Variants in CPS1 observed in about 807,000 individuals in gnomAD.
CPS1 encodes carbamoyl-phosphate synthase [ammonia], mitochondrial.
Under a neutral mutation model 174.6 loss-of-function variants are expected in CPS1, and 109 were observed. That is an observed-to-expected ratio of 0.62 (90% confidence interval 0.53 to 0.73). CPS1 has a LOEUF of 0.73. Among genes scored for constraint, CPS1 ranks in the 30% least tolerant of loss-of-function variants. The pLI, the probability that CPS1 is intolerant of heterozygous loss-of-function variation, is 0.00. For synonymous variants in CPS1, 637 were observed against 632.0 expected (o/e 1.01, Z -0.12); for missense variants, 1,689 against 1,821.9 (o/e 0.93, Z 1.33).
At chr2:210,663,048 A>G in intron 32 of CPS1, 75 bp from the exon 33 acceptor site, 1 of 1,361,216 alleles carries the variant, frequency 7.3e-7, no homozygotes. Flanking sequence ...ATTTGCTAAT[A>G]TATTTATCCT....
In CPS1 at chr2:210,655,281, T is replaced by A. The variant is rs534102449; in HGVS notation, c.3558+1179T>A. Among the ~76,000 whole-genome samples, 63 of 152,334 alleles carry A rather than the reference T, an allele frequency of 4.1e-4. 1 individual carries two copies. The highest frequency in any genetic ancestry group is 1.3e-3 in the Admixed American group (20 of 15,298). ...AATGTAAGACTGGCCTAGAGACATT[T>A]GTACTTTTTCAAATACTGTACTGGT... On this transcript the variant is annotated intron_variant, in intron 29 of 37. Coordinates refer to ENST00000233072, the MANE Select transcript of CPS1 (RefSeq NM_001875.5).
At position 210,590,247 on chromosome 2, in the gene CPS1, T is replaced by G; in HGVS notation, c.840+13T>G. 3.1e-6 allele frequency: 5 copies of G among 1,612,394 alleles called. No homozygotes were observed. Among genetic ancestry groups the G allele is most frequent in the Non-Finnish European group, 3.4e-6 (4 of 1,178,830 alleles). ...GAATGTCAGAAAGGTGCAATGAACC[T>G]TGAATTCATGTGTATCTGTGTGGGA... On this transcript the variant is annotated intron_variant, in intron 8 of 37. Transcript: ENST00000233072.
chr2:210,609,368 C>G (rs1292291152), intron 19 of CPS1, among the ~76,000 whole-genome samples: 1 of 151,888 alleles, frequency 6.6e-6, no homozygotes, highest in Non-Finnish European at 1.5e-5. Context: ...AACTTGGAAC[C>G]AGCTGGACTT....
intron 1 of CPS1, among the ~76,000 whole-genome samples, chr2:210,484,828 A>T (rs1382545600): frequency 1.3e-5 from 2 of 152,162 alleles, no homozygotes; most frequent in African/African-American, 4.8e-5. Context: ...TTGGCACCTG[A>T]TTGAAGCCTT....
At chr2:210,618,393 T>C (rs1483835665) in intron 21 of CPS1, 2 of 152,090 alleles carry the variant, frequency 1.3e-5, no homozygotes, top group East Asian at 3.9e-4. Flanking sequence ...TATAAATTTG[T>C]TTTTGATCCA....
At chr2:210,517,308 G>T (rs1412338564) in intron 1 of CPS1, among the ~76,000 whole-genome samples, 1 of 151,880 alleles carries the variant, frequency 6.6e-6, no homozygotes, top group Non-Finnish European at 1.5e-5. Context: ...GAGTCTTAAG[G>T]TCTCCAAACC....
At chr2:210,477,905 C>T (rs916385589) in intron 1 of CPS1, 2 of 938,288 alleles carry the variant, frequency 2.1e-6, no homozygotes, top group African/African-American at 3.3e-5. Flanking sequence ...ATTTATCCCA[C>T]TCACAGTCTT....
At chr2:210,653,894 T>A (rs1176252394) in intron 28 of CPS1, 131 bp from the exon 29 acceptor site, 14 of 739,204 alleles carry the variant, frequency 1.9e-5, no homozygotes, top group Non-Finnish European at 2.9e-5. Context: ...TGAGTTTATG[T>A]AGTTATGTTC....
intron 21 of CPS1, among the ~76,000 whole-genome samples, chr2:210,624,259 A>T (rs1259388693): frequency 6.6e-6 from 1 of 152,174 alleles, no homozygotes; most frequent in Non-Finnish European, 1.5e-5. Flanking sequence ...AAAACAAAAC[A>T]AAAAGAAACA....
At chr2:210,520,852 T>C (rs376722544) in intron 1 of CPS1, among the ~76,000 whole-genome samples, 2 of 152,162 alleles carry the variant, frequency 1.3e-5, no homozygotes, top group East Asian at 3.9e-4. Flanking sequence ...CTCACCTGTA[T>C]GAATATCAGA....
chr2:210,598,556 A>G (rs1206978972), intron 13 of CPS1, among the ~76,000 whole-genome samples: 2 of 151,774 alleles, frequency 1.3e-5, no homozygotes, highest in Admixed American at 1.3e-4. Flanking sequence ...AAAAGGGGAT[A>G]CAATCCTAAT....
intron 1 of CPS1, among the ~76,000 whole-genome samples, chr2:210,479,802 A>T (rs746937722): frequency 6.6e-6 from 1 of 152,214 alleles, no homozygotes; most frequent in Non-Finnish European, 1.5e-5. Flanking sequence ...ATTTAGGATG[A>T]TTTTTTAAAA....
rs10195256 is a variant in CPS1 at position 210,646,602 on chromosome 2, C to T, written c.3142-1261C>T. On this transcript the variant is annotated intron_variant, in intron 25 of 37. Coordinates refer to ENST00000233072, the MANE Select transcript of CPS1 (RefSeq NM_001875.5). ...CATTAGTGGGTCATTAGGACACACACAAATTATGCTAAGCTCAATGGCCTA... is the reference window on the plus strand; with the variant it reads ...CATTAGTGGGTCATTAGGACACACATAAATTATGCTAAGCTCAATGGCCTA... Among the ~76,000 whole-genome samples, 122 of 152,208 alleles carry T rather than the reference C, an allele frequency of 8.0e-4. 1 individual carries two copies. The highest frequency in any genetic ancestry group is 2.7e-3 in the African/African-American group (112 of 41,540).
At chr2:210,614,744 T>C (rs1699244387) in intron 20 of CPS1, among the ~76,000 whole-genome samples, 3 of 151,940 alleles carry the variant, frequency 2.0e-5, no homozygotes, top group African/African-American at 2.4e-5. Context: ...GGGACATGGA[T>C]GAAGCTGGAA....
Position 210,639,136 on chromosome 2 carries a change from G to GT in CPS1, c.2830-10dup. 1 of 1,602,154 alleles carries GT rather than the reference G, an allele frequency of 6.2e-7. No homozygotes were observed. ...ACATTCTTATTTGTTTATTTTATTT[G>GT]TTTTCTCTTACAGATTGATACACTG... On this transcript the variant is annotated splice_polypyrimidine_tract_variant and intron_variant, in intron 22 of 37. Coordinates refer to ENST00000233072, the MANE Select transcript of CPS1 (RefSeq NM_001875.5).
intron 32 of CPS1, among the ~76,000 whole-genome samples, chr2:210,661,250 C>G (rs189000798): frequency 5.3e-5 from 8 of 152,038 alleles, no homozygotes; most frequent in Non-Finnish European, 1.0e-4. Flanking sequence ...TAAATAATAC[C>G]TTAATAATAA....
chr2:210,664,884 C>T (rs1282211342), intron 33 of CPS1, among the ~76,000 whole-genome samples: 1 of 152,110 alleles, frequency 6.6e-6, no homozygotes, highest in African/African-American at 2.4e-5. Flanking sequence ...CTTAATTATG[C>T]TTCAAAGAGA....
intron 1 of CPS1, among the ~76,000 whole-genome samples, chr2:210,487,368 G>C (rs1694759911): frequency 6.6e-6 from 1 of 152,200 alleles, no homozygotes; most frequent in East Asian, 1.9e-4. Flanking sequence ...TAGTACAAAT[G>C]ATAGATGGAC....
rs368206146 is a variant in CPS1, at chr2:210,642,534, C to T, written c.3010C>T (p.Arg1004Cys). The T allele has an allele frequency of 2.1e-5, 34 of 1,613,810 alleles. No homozygotes were observed. Among genetic ancestry groups the T allele is most frequent in the Middle Eastern group, 1.6e-4 (1 of 6,080 alleles). Residue 1004 changes from arginine (R) to cysteine (C), a missense_variant, in exon 25 of 38, where the codon CGT becomes TGT. Arg to Cys is a radical substitution (Grantham distance 180). Coordinates refer to ENST00000233072, the MANE Select transcript of CPS1 (RefSeq NM_001875.5). ...TGCTGTCTCTAGTATCCGCACACTGCGTCAACTTGGCAAGAAGACGGTGGT... is the reference window on the plus strand; with the variant it reads ...TGCTGTCTCTAGTATCCGCACACTGTGTCAACTTGGCAAGAAGACGGTGGT... ...WCAVSSIRTLRQLGKKTVVVN... is the reference protein window; with the variant it reads ...WCAVSSIRTLCQLGKKTVVVN...
Sources: gnomAD v4.1 joint callset for allele counts (sites outside exome capture counted in the v4.1 genomes callset) on GRCh38, gnomAD v4.1.1 for gene constraint, MANE v1.5 for transcripts, NCBI Gene and HGNC (gene_info 2026-07-23, HGNC 2026-07-21) for gene names.